MTUS2: variants seen among roughly 807,000 people sequenced by gnomAD.
The protein encoded by MTUS2 is microtubule associated scaffold protein 2.
MTUS2 carries 40 observed loss-of-function variants against 114.1 expected under a neutral mutation model. That is an observed-to-expected ratio of 0.35 (90% CI 0.27 to 0.46). MTUS2 has a LOEUF of 0.46. Among genes scored for constraint, MTUS2 ranks in the 20% least tolerant of loss-of-function variants. The pLI, the probability that MTUS2 is intolerant of heterozygous loss-of-function variation, is 1.00. For missense variants in MTUS2, 1,679 were observed against 1,705.4 expected, an observed-to-expected ratio of 0.98 and a Z score of 0.27; for synonymous variants, 688 against 672.0, an observed-to-expected ratio of 1.02 and a Z score of -0.37.
In MTUS2 at chr13:29,294,379, A is replaced by G. The variant is rs997012797; in HGVS notation, c.2806+12514A>G. Among the ~76,000 whole-genome samples, 15 of 152,206 alleles carry G rather than the reference A, an allele frequency of 9.9e-5. No individual in the cohort carries two copies. In the South Asian group the frequency reaches 1.0e-3, roughly 11 times the overall value. On this transcript the variant is annotated intron_variant, in intron 6 of 15. Transcript: ENST00000612955. ...TAATAACTGCATATTGATTAACCAT[A>G]GTTTGGAGAACTGCTTGTCTCCTGT...
intron 2 of MTUS2, among the ~76,000 whole-genome samples, chr13:28,941,754 A>C (rs1340104606): frequency 6.6e-6 from 1 of 151,748 alleles, no homozygotes; most frequent in African/African-American, 2.4e-5. Context: ...GTAGTTTCTT[A>C]AGCTTACCTG....
At chr13:28,851,225 G>A (rs907401522) in intron 2 of MTUS2, among the ~76,000 whole-genome samples, 1 of 152,194 alleles carries the variant, frequency 6.6e-6, no homozygotes, top group Non-Finnish European at 1.5e-5. Flanking sequence ...GGACCTAAGA[G>A]AAATAAGAGA....
chr13:29,326,649 A>G (rs9508357), intron 7 of MTUS2, among the ~76,000 whole-genome samples: 28,645 of 152,130 alleles, frequency 0.19, 2,772 homozygotes, highest in Middle Eastern at 0.22. Context: ...TGTCATAATG[A>G]CTTACATGAA....
At chr13:29,170,651 G>A (rs550117384) in intron 5 of MTUS2, among the ~76,000 whole-genome samples, 2 of 152,238 alleles carry the variant, frequency 1.3e-5, no homozygotes, top group East Asian at 3.9e-4. Context: ...CCACCCAAAG[G>A]TCTCCCAAAT....
chr13:29,385,691 TG>T (rs1872587732), intron 8 of MTUS2, among the ~76,000 whole-genome samples: 1 of 152,154 alleles, frequency 6.6e-6, no homozygotes, highest in South Asian at 2.1e-4. Context: ...AATGATTGTC[TG>T]GGTAGAGCTG....
chr13:28,844,874 C>T (rs1875762655), intron 2 of MTUS2, among the ~76,000 whole-genome samples: 2 of 152,234 alleles, frequency 1.3e-5, no homozygotes, highest in South Asian at 2.1e-4. Context: ...GCCTTGGCTC[C>T]CCAGAGTGTT....
intron 8 of MTUS2, among the ~76,000 whole-genome samples, chr13:29,370,875 A>G (rs1566159648): frequency 1.3e-5 from 2 of 152,226 alleles, no homozygotes; most frequent in South Asian, 4.1e-4. Flanking sequence ...GAAAATTGGA[A>G]TAGCTCCATT....
At chr13:29,003,672 T>C (rs1885478653) in intron 2 of MTUS2, among the ~76,000 whole-genome samples, 1 of 152,172 alleles carries the variant, frequency 6.6e-6, no homozygotes, top group Non-Finnish European at 1.5e-5. Context: ...CTCCTTAGCA[T>C]GATATTTTTG....
intron 8 of MTUS2, among the ~76,000 whole-genome samples, chr13:29,360,472 T>A (rs1389075333): frequency 6.6e-6 from 1 of 152,138 alleles, no homozygotes; most frequent in African/African-American, 2.4e-5. Flanking sequence ...TGTTTAAAGC[T>A]TTCAACAGAA....
At chr13:29,248,693 G>T (rs376129062) in intron 5 of MTUS2, among the ~76,000 whole-genome samples, 5 of 152,078 alleles carry the variant, frequency 3.3e-5, no homozygotes, top group Admixed American at 3.3e-4. Flanking sequence ...TGTTCTCATC[G>T]TTCATCTCCC....
At chr13:29,016,622 T>C (rs2138441706) in intron 2 of MTUS2, among the ~76,000 whole-genome samples, 1 of 152,302 alleles carries the variant, frequency 6.6e-6, no homozygotes, top group Non-Finnish European at 1.5e-5. Context: ...TCTTTACTCT[T>C]TCTACCCTAC....
chr13:28,922,440 A>G (rs1419614883), intron 2 of MTUS2, among the ~76,000 whole-genome samples: 1 of 152,062 alleles, frequency 6.6e-6, no homozygotes, highest in East Asian at 1.9e-4. Context: ...CTTTAAGTTT[A>G]CTTAGGGTCC....
intron 2 of MTUS2, among the ~76,000 whole-genome samples, chr13:28,908,036 G>A (rs1219511092): frequency 2.0e-5 from 3 of 151,396 alleles, no homozygotes; most frequent in African/African-American, 7.3e-5. Flanking sequence ...TTGTGTCTTG[G>A]TGTGAATTTT....
At chr13:29,250,378 G>A (rs944637595) in intron 5 of MTUS2, 1 of 151,866 alleles carries the variant, frequency 6.6e-6, no homozygotes, top group Non-Finnish European at 1.5e-5. Context: ...CAGTGCTATC[G>A]ATTATGACCA....
intron 4 of MTUS2, among the ~76,000 whole-genome samples, chr13:29,088,893 G>C (rs1889817366): frequency 6.6e-6 from 1 of 152,094 alleles, no homozygotes. Flanking sequence ...CACACAGTTG[G>C]GTCTTGCTTA....
chr13:29,345,669 T>C (rs1868591085), intron 7 of MTUS2, among the ~76,000 whole-genome samples: 1 of 152,104 alleles, frequency 6.6e-6, no homozygotes, highest in Non-Finnish European at 1.5e-5. Context: ...AGAGATTTCT[T>C]CTTGGTTTGG....
intron 6 of MTUS2, among the ~76,000 whole-genome samples, chr13:29,293,673 A>G (rs1170476208): frequency 6.6e-6 from 1 of 152,146 alleles, no homozygotes; most frequent in Non-Finnish European, 1.5e-5. Flanking sequence ...AAAAAGTTGG[A>G]AACAATCTAA....
intron 5 of MTUS2, among the ~76,000 whole-genome samples, chr13:29,152,710 G>A (rs1449901163): frequency 6.6e-6 from 1 of 152,076 alleles, no homozygotes; most frequent in East Asian, 1.9e-4. Context: ...CCGAGAGAGA[G>A]AAATCAGAGA....
At chr13:29,270,075 C>T (rs566906423) in intron 5 of MTUS2, among the ~76,000 whole-genome samples, 49 of 152,100 alleles carry the variant, frequency 3.2e-4, no homozygotes, top group African/African-American at 1.1e-3. Context: ...GGGGTGCTGC[C>T]GTTCGTTGGG....
Sources: allele counts gnomAD v4.1 joint callset (sites outside exome capture counted in the v4.1 genomes callset), GRCh38; gene constraint gnomAD v4.1.1; transcripts MANE v1.5; gene names NCBI Gene and HGNC (gene_info 2026-07-23, HGNC 2026-07-21).